The following ZBTB46 variants were observed in gnomAD, a reference collection of about 807,000 sequenced individuals.
ZBTB46 encodes zinc finger and BTB domain containing 46.
ZBTB46 carries 8 observed loss-of-function variants against 44.1 expected under a neutral mutation model. The observed-to-expected ratio is 0.18, with a 90% confidence interval of 0.11 to 0.33. ZBTB46 has a LOEUF of 0.33. Ranked by LOEUF, ZBTB46 falls within the 10% of genes least tolerant of loss-of-function variation. The pLI is 1.00. For synonymous variants in ZBTB46, 409 were observed against 382.3 expected (o/e 1.07, Z -0.81); for missense variants, 651 against 847.7 (o/e 0.77, Z 2.88).
Position 63,752,743 on chromosome 20 carries a change from G to T in ZBTB46, c.1341C>A (p.Pro447=). 1.2e-6 allele frequency: 2 copies of T among 1,611,100 alleles called. No homozygotes were observed. Among genetic ancestry groups the T allele is most frequent in the Non-Finnish European group, 1.7e-6 (2 of 1,178,740 alleles). Residue 447 remains proline, a synonymous_variant, in exon 4 of 5, where the codon CCC becomes CCA. Transcript: ENST00000245663. This position sits in a 1 kb window ranked among gnomAD's most constrained non-coding sequence, Gnocchi z 5.6. ...MRSHTGERPY[P]CEICGKKFTR... ...TGAACTTCTTCCCGCAGATCTCGCAGGGGTAGGGCCGCTCTCCCGTGTGCG... is the reference window on the plus strand; with the variant it reads ...TGAACTTCTTCCCGCAGATCTCGCATGGGTAGGGCCGCTCTCCCGTGTGCG...
intron 1 of ZBTB46, among the ~76,000 whole-genome samples, chr20:63,799,532 G>A (rs555882449): frequency 2.6e-5 from 4 of 152,172 alleles, no homozygotes; most frequent in African/African-American, 7.2e-5. Flanking sequence ...AATTTTAGTA[G>A]GGACAGGGTT....
chr20:63,779,009 C>T (rs537900709), intron 2 of ZBTB46, among the ~76,000 whole-genome samples: 64 of 152,224 alleles, frequency 4.2e-4, no homozygotes, highest in African/African-American at 1.5e-3. Context: ...GCCCTGGGGG[C>T]CCCTCCTCAG....
In ZBTB46 at chr20:63,752,995, C is replaced by T; in HGVS notation, c.1223-134G>A. 1 of 941,024 alleles carries T rather than the reference C, an allele frequency of 1.1e-6. No individual in the cohort carries two copies. The highest frequency in any genetic ancestry group is 1.8e-5 in the South Asian group (1 of 55,476). 58.3% of individuals were successfully genotyped at this position (941,024 alleles called of 1,614,324 possible). On this transcript the variant is annotated intron_variant, in intron 3 of 4. Transcript: ENST00000245663. This position sits in a 1 kb window ranked among gnomAD's most constrained non-coding sequence, Gnocchi z 5.6. Reference sequence around the variant, plus strand: ...CCACGGCCACCCACTGGGGGCTGGTCAGCACTGCGACAGGCCAGGCTCCCC... The same window carrying T: ...CCACGGCCACCCACTGGGGGCTGGTTAGCACTGCGACAGGCCAGGCTCCCC...
chr20:63,763,825 C>T (rs1227243043), intron 3 of ZBTB46, among the ~76,000 whole-genome samples: 1 of 152,226 alleles, frequency 6.6e-6, no homozygotes, highest in Non-Finnish European at 1.5e-5. Context: ...AGTTAACTCT[C>T]ATCCACCCCA....
intron 1 of ZBTB46, among the ~76,000 whole-genome samples, chr20:63,811,592 G>A (rs976854871): frequency 1.3e-5 from 2 of 152,190 alleles, no homozygotes; most frequent in Non-Finnish European, 2.9e-5. Flanking sequence ...CATAGGTGAC[G>A]CAGACAACTG....
At chr20:63,753,988 G>A (rs1229196050) in intron 3 of ZBTB46, among the ~76,000 whole-genome samples, 2 of 152,180 alleles carry the variant, frequency 1.3e-5, no homozygotes, top group Non-Finnish European at 2.9e-5. Context: ...CTGAGGCTCT[G>A]GGGGCTCCAG....
intron 1 of ZBTB46, among the ~76,000 whole-genome samples, chr20:63,805,054 G>A (rs2092672958): frequency 6.6e-6 from 1 of 151,296 alleles, no homozygotes. Context: ...CTGAGTAGCT[G>A]ACATTACAGG....
At chr20:63,778,326 G>C (rs781438944) in intron 2 of ZBTB46, among the ~76,000 whole-genome samples, 6 of 152,210 alleles carry the variant, frequency 3.9e-5, no homozygotes, top group Non-Finnish European at 8.8e-5. Flanking sequence ...CTCTAGTGGG[G>C]CTGTATGCAC....
intron 2 of ZBTB46, among the ~76,000 whole-genome samples, chr20:63,777,807 G>T (rs1391406010): frequency 6.6e-6 from 1 of 152,218 alleles, no homozygotes; most frequent in East Asian, 1.9e-4. Flanking sequence ...ATATTATGTG[G>T]CCATGAAAAG....
chr20:63,775,023 G>T (rs143922860), intron 3 of ZBTB46, among the ~76,000 whole-genome samples: 3 of 151,970 alleles, frequency 2.0e-5, no homozygotes, highest in Non-Finnish European at 4.4e-5. Context: ...TTTAAACTCC[G>T]AAAGCTGAAT....
chr20:63,795,667 G>C (rs1297689437), intron 1 of ZBTB46, among the ~76,000 whole-genome samples: 1 of 152,220 alleles, frequency 6.6e-6, no homozygotes, highest in Admixed American at 6.5e-5. Context: ...GTGCCGTCCT[G>C]TGCTGGCACC....
intron 1 of ZBTB46, among the ~76,000 whole-genome samples, chr20:63,830,415 C>T (rs889326115): frequency 1.6e-4 from 24 of 150,600 alleles, no homozygotes; most frequent in Non-Finnish European, 2.4e-4. Context: ...CGCCCCGAGC[C>T]CTCCGCGCCC....
At chr20:63,775,440 T>C (rs1448511243) in intron 3 of ZBTB46, 2 of 453,792 alleles carry the variant, frequency 4.4e-6, no homozygotes, top group Non-Finnish European at 3.8e-6. Flanking sequence ...GCTGCTCCCC[T>C]GCCCGCCGCG....
At chr20:63,758,502 G>A (rs931822963) in intron 3 of ZBTB46, among the ~76,000 whole-genome samples, 5 of 149,894 alleles carry the variant, frequency 3.3e-5, no homozygotes, top group African/African-American at 1.2e-4. Context: ...ATTGGTGAGT[G>A]TAACAAACTT....
Position 63,787,057 on chromosome 20 carries a change from C to T in ZBTB46, c.937+2764G>A, listed in dbSNP as rs1411020586. ...TCTACATTGTGTCAAAGTAGAACAG[C>T]ATTTACCCGCAGGTGGGGTAGAGGC... On this transcript the variant is annotated intron_variant, in intron 2 of 4. Transcript: ENST00000245663. The surrounding 1 kb of genome is among the most constrained non-coding windows in gnomAD (Gnocchi z 4.6). 3.3e-5 allele frequency among the ~76,000 whole-genome samples: 5 copies of T among 152,144 alleles called. No individual in the cohort carries two copies. The highest frequency in any genetic ancestry group is 4.8e-5 in the African/African-American group (2 of 41,440).
chr20:63,823,501 A>AAAATAAATAAAT (rs150001627), intron 1 of ZBTB46, among the ~76,000 whole-genome samples: 14,006 of 150,936 alleles, frequency 0.093, 1,066 homozygotes, highest in African/African-American at 0.21. Flanking sequence ...CTGTCTCAAA[A>AAAATAAATAAAT]AAATAAATAA....
At chr20:63,775,400 T>C in intron 3 of ZBTB46, 1 of 379,514 alleles carries the variant, frequency 2.6e-6, no homozygotes, top group Non-Finnish European at 4.7e-6. Context: ...AGCCAACGAC[T>C]CCTGTGAGAA....
At chr20:63,815,769 G>A (rs1471535168) in intron 1 of ZBTB46, among the ~76,000 whole-genome samples, 1 of 146,550 alleles carries the variant, frequency 6.8e-6, no homozygotes, top group Non-Finnish European at 1.5e-5. Context: ...GGTACAGGTG[G>A]GCACAAGTGC....
At chr20:63,753,681 G>C (rs1351718480) in intron 3 of ZBTB46, among the ~76,000 whole-genome samples, 2 of 152,264 alleles carry the variant, frequency 1.3e-5, no homozygotes, top group East Asian at 3.8e-4. Context: ...CTCACCCTGG[G>C]ATTACCATGT....
Sources: allele counts gnomAD v4.1 joint callset (sites outside exome capture counted in the v4.1 genomes callset), GRCh38; gene constraint gnomAD v4.1.1; non-coding constraint Gnocchi (gnomAD v3.1); transcripts MANE v1.5; gene names NCBI Gene and HGNC (gene_info 2026-07-23, HGNC 2026-07-21).